TRPM5: variants seen among roughly 807,000 people sequenced by gnomAD.
TRPM5 encodes the protein MLSN1 and TRP-related.
TRPM5 carries 121 observed loss-of-function variants against 124.9 expected under a neutral mutation model. That is an observed-to-expected ratio of 0.97 (90% confidence interval 0.84 to 1.13). TRPM5 has a LOEUF of 1.13. TRPM5 is among the 50% of genes most tolerant of loss of function. The pLI is 0.00. For synonymous variants in TRPM5, 781 were observed against 700.5 expected (o/e 1.11, Z -1.81); for missense variants, 1,643 against 1,589.1 (o/e 1.03, Z -0.58).
At chr11:2,433,404 A>C in the TRPM5 span, among the ~76,000 whole-genome samples, 1 of 152,162 alleles carries the variant, frequency 6.6e-6, no homozygotes, top group African/African-American at 2.4e-5. Context: ...CAACTCCACC[A>C]TTGAGGGCAG....
intron 12 of TRPM5, 39 bp downstream of exon 17, chr11:2,414,022 A>ACCCCCCCCC: frequency 3.5e-6 from 1 of 284,714 alleles, no homozygotes; most frequent in South Asian, 2.1e-5. Context: ...CGCCCACCCC[A>ACCCCCCCCC]CCCCCTGGCA....
At chr11:2,437,163 T>A in the TRPM5 span, among the ~76,000 whole-genome samples, 149,205 of 152,348 alleles carry the variant, frequency 0.98, 73,071 homozygotes, top group East Asian at 1. The surrounding 1 kb of genome is among the most constrained non-coding windows in gnomAD (Gnocchi z 5.6). Flanking sequence ...AAAAAGGCTC[T>A]TTCACACATG....
the TRPM5 span, among the ~76,000 whole-genome samples, chr11:2,430,658 A>G: frequency 1.3e-4 from 14 of 107,366 alleles, no homozygotes; most frequent in South Asian, 3.0e-4. Flanking sequence ...TGATGGTGAC[A>G]GTGTTGATGG....
the TRPM5 span, among the ~76,000 whole-genome samples, chr11:2,436,166 A>C: frequency 6.6e-6 from 1 of 151,936 alleles, no homozygotes; most frequent in East Asian, 1.9e-4. Flanking sequence ...CTCCTCCCCT[A>C]CTGATCACCC....
exon 14 of TRPM5, chr11:2,413,160 C>G (rs1341339416): frequency 6.4e-7 from 1 of 1,553,280 alleles, no homozygotes; most frequent in Non-Finnish European, 8.7e-7. Flanking sequence ...ACAGCGGGCT[C>G]TTCTCCGTGT....
chr11:2,415,944 C>T (rs111678152), exon 8 of TRPM5: 999 of 1,579,582 alleles, frequency 6.3e-4, no homozygotes, highest in Non-Finnish European at 7.9e-4. Context: ...TCACTCTTGG[C>T]GATGTCCACG....
intron 8 of TRPM5, 102 bp from the exon 14 acceptor site, chr11:2,415,573 T>C: frequency 2.4e-6 from 2 of 818,768 alleles, no homozygotes; most frequent in South Asian, 1.8e-5. Context: ...TGGGGATCCA[T>C]CCCCAGGGCC....
chr11:2,436,923 C>A, the TRPM5 span, among the ~76,000 whole-genome samples: 1 of 152,236 alleles, frequency 6.6e-6, no homozygotes, highest in African/African-American at 2.4e-5. Context: ...CACCTGGGCA[C>A]TGGGCCGAGA....
the TRPM5 span, among the ~76,000 whole-genome samples, chr11:2,441,261 T>C: frequency 2.6e-5 from 4 of 152,124 alleles, no homozygotes; most frequent in Non-Finnish European, 4.4e-5. This position sits in a 1 kb window ranked among gnomAD's most constrained non-coding sequence, Gnocchi z 7.2. Flanking sequence ...AGGTGGCAGC[T>C]GGGAGGCTAC....
chr11:2,429,496 G>A, the TRPM5 span, among the ~76,000 whole-genome samples: 16 of 151,950 alleles, frequency 1.1e-4, no homozygotes, highest in East Asian at 2.5e-3. The surrounding 1 kb of genome is among the most constrained non-coding windows in gnomAD (Gnocchi z 8.4). Flanking sequence ...TGTACTGGTG[G>A]TGTTGGTGAT....
At chr11:2,406,360 G>A (rs1435227899) in intron 21 of TRPM5, among the ~76,000 whole-genome samples, 12 of 152,130 alleles carry the variant, frequency 7.9e-5, no homozygotes, top group Non-Finnish European at 4.4e-5. Context: ...GCAGGCAGTC[G>A]GGGACAGGCC....
chr11:2,443,291 C>A, the TRPM5 span, among the ~76,000 whole-genome samples: 1 of 152,318 alleles, frequency 6.6e-6, no homozygotes, highest in Admixed American at 6.5e-5. This position sits in a 1 kb window ranked among gnomAD's most constrained non-coding sequence, Gnocchi z 5.0. Context: ...TCAAAGCTCA[C>A]CTTCCTCCTG....
At chr11:2,427,829 C>T (rs115370021), upstream of TRPM5, among the ~76,000 whole-genome samples, 20 of 152,326 alleles carry the variant, frequency 1.3e-4, no homozygotes, top group African/African-American at 3.4e-4. Flanking sequence ...CAAGAGCACA[C>T]GTCTCATGCC....
the TRPM5 span, among the ~76,000 whole-genome samples, chr11:2,430,932 GTGGTAGTGATGATGGTGGTCATGTTTA>G: frequency 1.3e-5 from 2 of 151,988 alleles, no homozygotes; most frequent in East Asian, 1.9e-4. Context: ...GGTGATGGAG[GTGGTAGTGATGATGGTGGTCATGTTTA>G]TGGTAGTGAT....
rs540165866 is a variant in TRPM5, at chr11:2,418,305, C to T, written c.768G>A (p.Ser256=). ...CAGCAAGCACATCGGCGATGCCCCC[C>T]GAGCCTACCAGGATCAGCCACGGGG... The change falls in exon 6 of 24, where the codon TCG becomes TCA. Residue 256 remains serine (S), a synonymous_variant. Transcript: ENST00000155858. 28 of 1,572,238 alleles carry T rather than the reference C, an allele frequency of 1.8e-5. 1 individual carries two copies. Among genetic ancestry groups the T allele is most frequent in the East Asian group, 1.4e-4 (6 of 42,538 alleles).
At chr11:2,427,955 G>A (rs939637175), upstream of TRPM5, among the ~76,000 whole-genome samples, 3 of 152,182 alleles carry the variant, frequency 2.0e-5, no homozygotes, top group Admixed American at 2.0e-4. Flanking sequence ...CATCTGTGCT[G>A]GAAAGGCTGC....
the TRPM5 span, among the ~76,000 whole-genome samples, chr11:2,430,665 A>ATGGTGGTGGTGGTTT: frequency 7.9e-6 from 1 of 126,864 alleles, no homozygotes; most frequent in South Asian, 2.7e-4. Context: ...GACAGTGTTG[A>ATGGTGGTGGTGGTTT]TGGTGGTGGT....
rs545012258 is a variant in TRPM5 at position 2,415,282 on chromosome 11, G to A, written c.1318C>T (p.Arg440Trp). The A allele has an allele frequency of 5.7e-6, 9 of 1,575,658 alleles. No individual in the cohort carries two copies. The highest frequency in any genetic ancestry group is 1.1e-5 in the South Asian group (1 of 87,508). Residue 440 changes from arginine (R) to tryptophan (W), a missense_variant, in exon 9 of 24, where the codon CGG becomes TGG. Transcript: ENST00000155858. ...GTGCCCAGGCCGGCCAGCGTCAGCC[G>A]GGCCTCCTCCTGCTTCCGCTGCAGC...
Position 2,407,087 on chromosome 11 carries a change from ACCCAGGTGCTCCCGCTTGTGCTCGGCC to A in TRPM5, c.3118+5_3118+31del. On this transcript the variant is annotated splice_donor_5th_base_variant and intron_variant, in intron 20 of 23. Transcript: ENST00000155858. ...CCCTGGGACCCGCCACCTCGGCCTC[ACCCAGGTGCTCCCGCTTGTGCTCGGCC>A]TCACCCAGGTGCTCCCGCTTGTGCT... The A allele has an allele frequency of 9.7e-7, 1 of 1,034,502 alleles. No homozygotes were observed. Among genetic ancestry groups the A allele is most frequent in the Admixed American group, 2.5e-5 (1 of 39,412 alleles). The allele number at this position is 1,034,502 out of a possible 1,614,324, so 64.1% of individuals were successfully genotyped here. A position where few individuals can be genotyped will look rare whatever the true frequency, so the allele number is the denominator to read the frequency against.
Sources: allele counts gnomAD v4.1 joint callset (sites outside exome capture counted in the v4.1 genomes callset), GRCh38; gene constraint gnomAD v4.1.1; non-coding constraint Gnocchi (gnomAD v3.1); transcripts MANE v1.5; gene names NCBI Gene and HGNC (gene_info 2026-07-23, HGNC 2026-07-21).